The following TLK2 variants were observed in gnomAD, a reference collection of about 807,000 sequenced individuals.
TLK2 encodes the protein tousled like kinase 2.
In TLK2, 6 loss-of-function variants were observed where a neutral mutation model predicts 117.3. That is an observed-to-expected ratio of 0.05 (90% confidence interval 0.03 to 0.10). The LOEUF (loss-of-function observed/expected upper bound fraction) is 0.10, where lower values mean the gene tolerates loss of function less well. Ranked by LOEUF, TLK2 falls within the 10% of genes least tolerant of loss-of-function variation. The pLI is 1.00. For synonymous variants in TLK2, 257 were observed against 316.7 expected (o/e 0.81, Z 2.00); for missense variants, 299 against 901.2 (o/e 0.33, Z 8.56).
At chr17:62,546,341 A>ATTTTTTTTTTTTTTTTTT (rs1385208928) in intron 7 of TLK2, among the ~76,000 whole-genome samples, 90 of 8,860 alleles carry the variant, frequency 0.01, 5 homozygotes, top group Non-Finnish European at 0.029. Context: ...GAGTTTGTTG[A>ATTTTTTTTTTTTTTTTTT]TTGTTTTTTT....
chr17:62,495,701 C>G (rs1034912242), intron 2 of TLK2, among the ~76,000 whole-genome samples: 2 of 150,610 alleles, frequency 1.3e-5, no homozygotes, highest in African/African-American at 4.9e-5. Flanking sequence ...CTCTGTCACC[C>G]AGGCTGGAGG....
intron 6 of TLK2, among the ~76,000 whole-genome samples, chr17:62,532,963 T>C (rs2076844111): frequency 6.6e-6 from 1 of 152,188 alleles, no homozygotes; most frequent in Non-Finnish European, 1.5e-5. Context: ...CTGAATTTTA[T>C]CATTGTAACC....
At chr17:62,575,801 A>G (rs1056236577) in intron 12 of TLK2, among the ~76,000 whole-genome samples, 9 of 152,162 alleles carry the variant, frequency 5.9e-5, no homozygotes, top group Non-Finnish European at 8.8e-5. Context: ...GGCTCAAGCA[A>G]TCCTTCCATC....
Position 62,612,589 on chromosome 17 carries a change from G to C in TLK2, c.*24G>C. The stretch of plus-strand genomic sequence containing the variant: ...GAGACTGACTCCAAGGCCACAAACT[G>C]TTCAACACACACAAAGTGGACAAAT... On this transcript the variant is annotated 3_prime_UTR_variant, in exon 22 of 22. Transcript: ENST00000346027. 1 of 1,589,166 alleles carries C rather than the reference G, an allele frequency of 6.3e-7. No homozygotes were observed. The highest frequency in any genetic ancestry group is 8.6e-7 in the Non-Finnish European group (1 of 1,164,356).
chr17:62,567,433 C>T (rs1261644387), intron 11 of TLK2, among the ~76,000 whole-genome samples: 2 of 152,184 alleles, frequency 1.3e-5, no homozygotes, highest in African/African-American at 4.8e-5. Context: ...TAGGACTCTT[C>T]ACTGTAGGTG....
chr17:62,521,300 G>C (rs1208702608), intron 3 of TLK2, among the ~76,000 whole-genome samples: 1 of 152,164 alleles, frequency 6.6e-6, no homozygotes, highest in Non-Finnish European at 1.5e-5. Context: ...ATCATGTGTG[G>C]ATCTTACATG....
chr17:62,490,134 A>C (rs1288675298), intron 2 of TLK2, among the ~76,000 whole-genome samples: 1 of 152,252 alleles, frequency 6.6e-6, no homozygotes, highest in East Asian at 1.9e-4. Flanking sequence ...CCAACCAGTT[A>C]TAGAATATTC....
At position 62,606,309 on chromosome 17, in the gene TLK2, G is replaced by C. The variant is rs184654767; in HGVS notation, c.1971+68G>C. 1.2e-4 allele frequency: 110 copies of C among 901,598 alleles called. No individual in the cohort carries two copies. The East Asian group carries it at 2.1e-3, about 18-fold the overall frequency. 55.8% of individuals were successfully genotyped at this position (901,598 alleles called of 1,614,324 possible). ...GTGGCACACACACACACAGTGCCTT[G>C]GTATGGATTAGTCTATTGGAGTTAA... On this transcript the variant is annotated intron_variant, in intron 20 of 21. Coordinates refer to ENST00000346027, the MANE Select transcript of TLK2 (RefSeq NM_006852.6).
chr17:62,473,155 G>C (rs2070974005), intron 1 of TLK2, among the ~76,000 whole-genome samples: 1 of 152,166 alleles, frequency 6.6e-6, no homozygotes, highest in African/African-American at 2.4e-5. Flanking sequence ...CCCCAGGCAG[G>C]GCTGGCTCCA....
intron 2 of TLK2, among the ~76,000 whole-genome samples, chr17:62,514,013 C>T (rs547538090): frequency 1.1e-4 from 16 of 151,676 alleles, no homozygotes; most frequent in African/African-American, 2.9e-4. Flanking sequence ...TAAGCTGTGA[C>T]GATTAAATGT....
At chr17:62,520,206 G>A (rs1466377782) in intron 2 of TLK2, among the ~76,000 whole-genome samples, 1 of 152,124 alleles carries the variant, frequency 6.6e-6, no homozygotes, top group Admixed American at 6.5e-5. Context: ...AGAGAGGGTC[G>A]TTGGATTCCC....
chr17:62,601,963 C>G, intron 18 of TLK2, 79 bp from the exon 19 acceptor site: 1 of 1,333,624 alleles, frequency 7.5e-7, no homozygotes, highest in East Asian at 2.4e-5. Flanking sequence ...CAGTTGTCCC[C>G]TTCTTATCTG....
intron 1 of TLK2, among the ~76,000 whole-genome samples, chr17:62,473,137 T>C (rs1225631717): frequency 6.6e-6 from 1 of 152,116 alleles, no homozygotes; most frequent in East Asian, 1.9e-4. Context: ...GAGTCCTTTT[T>C]CCTCTTACCC....
intron 9 of TLK2, among the ~76,000 whole-genome samples, chr17:62,559,025 A>G (rs1194776280): frequency 6.6e-6 from 1 of 152,100 alleles, no homozygotes; most frequent in Non-Finnish European, 1.5e-5. Context: ...TTTAACACAA[A>G]AGGAATAAAT....
At chr17:62,601,553 A>T (rs1280709834) in intron 18 of TLK2, among the ~76,000 whole-genome samples, 3 of 152,238 alleles carry the variant, frequency 2.0e-5, no homozygotes, top group African/African-American at 7.2e-5. Context: ...TTTTTAAAAG[A>T]TGGCTATTTT....
chr17:62,576,647 T>A, intron 12 of TLK2, 62 bp from the exon 13 acceptor site: 2 of 1,295,242 alleles, frequency 1.5e-6, no homozygotes. Context: ...TGAGCATTTC[T>A]CTTTAAACAG....
intron 11 of TLK2, among the ~76,000 whole-genome samples, chr17:62,572,176 CAAAAA>C (rs111925931): frequency 4.8e-4 from 26 of 54,588 alleles, no homozygotes; most frequent in Non-Finnish European, 8.6e-4. Flanking sequence ...GGCTCTGTCT[CAAAAA>C]AAAAAAAAAA....
intron 15 of TLK2, among the ~76,000 whole-genome samples, chr17:62,581,283 G>A (rs1407615090): frequency 6.6e-6 from 1 of 152,142 alleles, no homozygotes; most frequent in Non-Finnish European, 1.5e-5. Flanking sequence ...GATTACAGGT[G>A]TGAGACACTG....
At position 62,601,083 on chromosome 17, in the gene TLK2, A is replaced by G. The variant is rs372102792; in HGVS notation, c.1720+263A>G. On this transcript the variant is annotated intron_variant, in intron 18 of 21. Coordinates refer to ENST00000346027, the MANE Select transcript of TLK2 (RefSeq NM_006852.6). ...GTTCATGATGTAAGTCTCATTAAGA[A>G]AGAACTGTTGCAGCAAGTTCAGTTT... is the stretch of plus-strand genomic sequence containing the variant. Among the ~76,000 whole-genome samples, 64 of 152,308 alleles carry G rather than the reference A, an allele frequency of 4.2e-4. No homozygotes were observed. The East Asian group carries it at 9.1e-3, about 22-fold the overall frequency.
Sources: allele counts gnomAD v4.1 joint callset (sites outside exome capture counted in the v4.1 genomes callset), GRCh38; gene constraint gnomAD v4.1.1; transcripts MANE v1.5; gene names NCBI Gene and HGNC (gene_info 2026-07-23, HGNC 2026-07-21).